Variants in POP4 observed in about 807,000 individuals in gnomAD.
The protein encoded by POP4 is POP4 ribonuclease P/MRP subunit.
In POP4, 31 loss-of-function variants were observed where a neutral mutation model predicts 29.9. The ratio of observed to expected loss-of-function variants is 1.04; its 90% CI spans 0.78 to 1.40. POP4 has a LOEUF of 1.40. POP4 is among the 40% of genes most tolerant of loss of function. The probability of loss-of-function intolerance (pLI) is 0.00; values close to 1 mark genes in which losing one functional copy is unlikely to be tolerated. For missense variants in POP4, 286 were observed against 282.7 expected (o/e 1.01, Z -0.08); for synonymous variants, 110 against 108.2 (o/e 1.02, Z -0.10).
chr19:29,612,676 C>T (rs1599487242), intron 5 of POP4, among the ~76,000 whole-genome samples: 1 of 152,214 alleles, frequency 6.6e-6, no homozygotes, highest in Admixed American at 6.5e-5. Flanking sequence ...CACCGATTCT[C>T]CTCACAGCAA....
rs72228837 is a variant in POP4, at chr19:29,615,223, CTTTTT to C, written c.527-8_527-4del. Reference sequence around the variant, plus strand: ...TTTTCCTCATCTTTTTTTCTCCTGCCTTTTTTTTTTTTTTTTTCAGTTATCCCCAA... The same window carrying C: ...TTTTCCTCATCTTTTTTTCTCCTGCCTTTTTTTTTTTTCAGTTATCCCCAA... On this transcript the variant is annotated splice_polypyrimidine_tract_variant and intron_variant, in intron 6 of 6. Coordinates refer to ENST00000585603, the MANE Select transcript of POP4 (RefSeq NM_006627.3). 56 of 1,324,374 alleles carry C rather than the reference CTTTTT, an allele frequency of 4.2e-5. No individual in the cohort carries two copies. Among genetic ancestry groups the C allele is most frequent in the Admixed American group, 8.9e-5 (3 of 33,522 alleles). 82.0% of individuals were successfully genotyped at this position (1,324,374 alleles called of 1,614,324 possible).
Position 29,610,472 on chromosome 19 carries a change from A to G in POP4, c.124A>G (p.Met42Val), listed in dbSNP as rs752810458. The change falls in exon 3 of 7, where the codon ATG becomes GTG. Residue 42 changes from methionine to valine, a missense_variant. Physicochemically the swap from Met to Val is conservative, Grantham distance 21 (BLOSUM62 1). Coordinates refer to ENST00000585603, the MANE Select transcript of POP4 (RefSeq NM_006627.3). Reference sequence around the variant, plus strand: ...CTTCCTGAAGCGCAGCACGCCCCGCATGAGCCCGCAGGCCCGCGAGGACCA... The same window carrying G: ...CTTCCTGAAGCGCAGCACGCCCCGCGTGAGCCCGCAGGCCCGCGAGGACCA... ...RAFLKRSTPR[M>V]SPQAREDQLQ... 15 of 1,605,560 alleles carry G rather than the reference A, an allele frequency of 9.3e-6. No homozygotes were observed. The highest frequency in any genetic ancestry group is 2.2e-5 in the South Asian group (2 of 89,920).
intron 1 of POP4, 42 bp downstream of exon 1, chr19:29,606,367 G>C: frequency 1.9e-6 from 3 of 1,589,310 alleles, no homozygotes; most frequent in Non-Finnish European, 2.6e-6. Context: ...GGGACGTTAA[G>C]GGTCGGGGTC....
rs764397495 is a variant in POP4, at chr19:29,610,527, A to T, written c.179A>T (p.Tyr60Phe). ...CAGCGCAAGGCGGTGGTCCTGGAGTACTTCACCCGCCACAAGCGCAAGGAG... is the reference window on the plus strand; with the variant it reads ...CAGCGCAAGGCGGTGGTCCTGGAGTTCTTCACCCGCCACAAGCGCAAGGAG... Reference protein sequence around the residue: ...QLQRKAVVLEYFTRHKRKEKK... With the variant: ...QLQRKAVVLEFFTRHKRKEKK... The change falls in exon 3 of 7, where the codon TAC (tyrosine) becomes TTC (phenylalanine). Residue 60 changes from tyrosine to phenylalanine, a missense_variant. Tyr to Phe is a conservative substitution (Grantham distance 22). Coordinates refer to ENST00000585603, the MANE Select transcript of POP4 (RefSeq NM_006627.3). 6.2e-7 allele frequency: 1 copy of T among 1,612,212 alleles called. No homozygotes were observed. The highest frequency in any genetic ancestry group is 1.1e-5 in the South Asian group (1 of 90,930).
Position 29,615,479 on chromosome 19 carries a change from T to G in POP4, c.*99T>G. ...AAGAGATAGTTAAGCCAATTCCATT[T>G]ATAGACCACCTCCAGCCAGTGACGC... On this transcript the variant is annotated 3_prime_UTR_variant, in exon 7 of 7. Coordinates refer to ENST00000585603, the MANE Select transcript of POP4 (RefSeq NM_006627.3). 7.4e-7 allele frequency: 1 copy of G among 1,351,994 alleles called. No homozygotes were observed. 83.7% of individuals were successfully genotyped at this position (1,351,994 alleles called of 1,614,324 possible).
In POP4 at chr19:29,610,536, G is replaced by A. The variant is rs750848621; in HGVS notation, c.188G>A (p.Arg63His). The change falls in exon 3 of 7, where the codon CGC becomes CAC. Residue 63 changes from arginine to histidine, a missense_variant. Arg to His is a conservative substitution (Grantham distance 29, BLOSUM62 0). Transcript: ENST00000585603. Reference sequence around the variant, plus strand: ...GCGGTGGTCCTGGAGTACTTCACCCGCCACAAGCGCAAGGAGAAGAAGAAG... The same window carrying A: ...GCGGTGGTCCTGGAGTACTTCACCCACCACAAGCGCAAGGAGAAGAAGAAG... ...RKAVVLEYFT[R>H]HKRKEKKKKA... 17 of 1,613,922 alleles carry A rather than the reference G, an allele frequency of 1.1e-5. No individual in the cohort carries two copies. Among genetic ancestry groups the A allele is most frequent in the Non-Finnish European group, 1.3e-5 (15 of 1,180,028 alleles).
In POP4 at chr19:29,612,205, A is replaced by G. The variant is rs556383669; in HGVS notation, c.424+27A>G. 14 of 1,581,270 alleles carry G rather than the reference A, an allele frequency of 8.9e-6. No individual in the cohort carries two copies. In the African/African-American group the frequency reaches 1.6e-4, roughly 18 times the overall value. The stretch of plus-strand genomic sequence containing the variant: ...TAATTTACCTAAGAGCGTGTAGCAC[A>G]TGGCCATCCAGAGGTTCACTCTGTC... On this transcript the variant is annotated intron_variant, in intron 5 of 6. Transcript: ENST00000585603.
Position 29,610,547 on chromosome 19 carries a change from A to C in POP4, c.199A>C (p.Lys67Gln). ...GGAGTACTTCACCCGCCACAAGCGCAAGGAGAAGAAGAAGAAAGCCAAAGG... is the reference window on the plus strand; with the variant it reads ...GGAGTACTTCACCCGCCACAAGCGCCAGGAGAAGAAGAAGAAAGCCAAAGG... ...VLEYFTRHKR[K>Q]EKKKKAKGLS... The change falls in exon 3 of 7, where the codon AAG becomes CAG. Residue 67 changes from lysine to glutamine, a missense_variant. Coordinates refer to ENST00000585603, the MANE Select transcript of POP4 (RefSeq NM_006627.3). 6.2e-7 allele frequency: 1 copy of C among 1,614,200 alleles called. No individual in the cohort carries two copies. The highest frequency in any genetic ancestry group is 1.3e-5 in the African/African-American group (1 of 75,076).
At position 29,612,543 on chromosome 19, in the gene POP4, C is replaced by T. The variant is rs187372340; in HGVS notation, c.424+365C>T. Among the ~76,000 whole-genome samples, 565 of 152,252 alleles carry T rather than the reference C, an allele frequency of 3.7e-3. 6 individuals are homozygous for T. The highest frequency in any genetic ancestry group is 0.013 in the African/African-American group (532 of 41,538). ...AAATGTCAGCTACACCTGACAGCCC[C>T]CAAGGTGACATCTCCAGCGTAGGCC... On this transcript the variant is annotated intron_variant, in intron 5 of 6. Coordinates refer to ENST00000585603, the MANE Select transcript of POP4 (RefSeq NM_006627.3).
At chr19:29,607,995 T>C (rs1013273081) in intron 1 of POP4, among the ~76,000 whole-genome samples, 1 of 152,222 alleles carries the variant, frequency 6.6e-6, no homozygotes, top group African/African-American at 2.4e-5. Flanking sequence ...TATCTGGGAA[T>C]ATGTTAAACA....
chr19:29,609,940 C>T (rs1344366114), intron 2 of POP4, among the ~76,000 whole-genome samples: 3 of 152,176 alleles, frequency 2.0e-5, no homozygotes, highest in Non-Finnish European at 2.9e-5. Flanking sequence ...GAGGCTTGGC[C>T]GACCCTGGAG....
rs1322650419 is a variant in POP4, at chr19:29,616,480, C to T, written c.*1100C>T. On this transcript the variant is annotated 3_prime_UTR_variant, in exon 7 of 7. Coordinates refer to ENST00000585603, the MANE Select transcript of POP4 (RefSeq NM_006627.3). ...AAAGGCAGGCCACAAATCTGTTCTC[C>T]CCCAGGAGAAGTAGCAGTGCCAGGG... is the stretch of plus-strand genomic sequence containing the variant. 6.6e-6 allele frequency: 1 copy of T among 152,272 alleles called. No individual in the cohort carries two copies. The highest frequency in any genetic ancestry group is 1.5e-5 in the Non-Finnish European group (1 of 68,088). 9.4% of individuals were successfully genotyped at this position (152,272 alleles called of 1,614,324 possible).
chr19:29,607,671 A>G (rs551987159), intron 1 of POP4, among the ~76,000 whole-genome samples: 1 of 152,312 alleles, frequency 6.6e-6, no homozygotes, highest in African/African-American at 2.4e-5. Flanking sequence ...AAAAATTAAG[A>G]AACAGAAGTG....
At chr19:29,614,003 C>T (rs761894360) in intron 6 of POP4, 31 bp downstream of exon 6, 27 of 1,595,296 alleles carry the variant, frequency 1.7e-5, no homozygotes, top group African/African-American at 6.8e-5. Context: ...GCATTGCTTG[C>T]GGGCTGTGGC....
At chr19:29,606,472 C>T (rs760340135) in intron 1 of POP4, 147 bp downstream of exon 1, 1 of 942,020 alleles carries the variant, frequency 1.1e-6, no homozygotes. Flanking sequence ...CTAAGAAAAA[C>T]TGAGGGCTGG....
rs1388038332 is a variant in POP4 at position 29,616,786 on chromosome 19, G to A, written c.*1406G>A. On this transcript the variant is annotated 3_prime_UTR_variant, in exon 7 of 7. Transcript: ENST00000585603. ...GCACGCAGTCACCGCTGCCAGTGATGAACACACGCACGGGCTAGGCACATG... is the reference window on the plus strand; with the variant it reads ...GCACGCAGTCACCGCTGCCAGTGATAAACACACGCACGGGCTAGGCACATG... 6.6e-6 allele frequency: 1 copy of A among 152,290 alleles called. No individual in the cohort carries two copies. The highest frequency in any genetic ancestry group is 6.5e-5 in the Admixed American group (1 of 15,286). 9.4% of individuals were successfully genotyped at this position (152,290 alleles called of 1,614,324 possible). A position where few individuals can be genotyped will look rare whatever the true frequency, so the allele number is the denominator to read the frequency against.
In POP4 at chr19:29,615,219, CTGCCT is replaced by C; in HGVS notation, c.527-23_527-19del. On this transcript the variant is annotated intron_variant, in intron 6 of 6. Transcript: ENST00000585603. ...ATATTTTTCCTCATCTTTTTTTCTCCTGCCTTTTTTTTTTTTTTTTTCAGTTATCC... is the reference window on the plus strand; with the variant it reads ...ATATTTTTCCTCATCTTTTTTTCTCCTTTTTTTTTTTTTTTTCAGTTATCC... 6.7e-7 allele frequency: 1 copy of C among 1,492,212 alleles called. No individual in the cohort carries two copies. The highest frequency in any genetic ancestry group is 9.0e-7 in the Non-Finnish European group (1 of 1,115,366). The allele number at this position is 1,492,212 out of a possible 1,614,324, so 92.4% of individuals were successfully genotyped here.
intron 3 of POP4, chr19:29,610,877 T>A (rs912089656): frequency 1.5e-5 from 8 of 524,804 alleles, no homozygotes; most frequent in Non-Finnish European, 2.1e-5. Context: ...GTACATCTGT[T>A]GCCCATGGCA....
chr19:29,614,968 G>A (rs1196521985), intron 6 of POP4, among the ~76,000 whole-genome samples: 2 of 152,118 alleles, frequency 1.3e-5, no homozygotes, highest in African/African-American at 4.8e-5. Context: ...CCAGTTTCTG[G>A]CAGGTGTTCT....
Sources: allele counts gnomAD v4.1 joint callset (sites outside exome capture counted in the v4.1 genomes callset), GRCh38; gene constraint gnomAD v4.1.1; transcripts MANE v1.5; gene names NCBI Gene and HGNC (gene_info 2026-07-23, HGNC 2026-07-21).